KIAA0586: variants seen among roughly 807,000 people sequenced by gnomAD.
The protein encoded by KIAA0586 is protein TALPID3.
A neutral mutation model predicts 169.8 loss-of-function variants in KIAA0586; 144 were observed. That is an observed-to-expected ratio of 0.85 (90% CI 0.74 to 0.97). The LOEUF (loss-of-function observed/expected upper bound fraction) is 0.97, where lower values mean the gene tolerates loss of function less well. Among genes scored for constraint, KIAA0586 ranks in the 50% least tolerant of loss-of-function variants. The pLI, the probability that KIAA0586 is intolerant of heterozygous loss-of-function variation, is 0.00. For missense variants in KIAA0586, 1,854 were observed against 1,823.0 expected, an observed-to-expected ratio of 1.02 and a Z score of -0.31; for synonymous variants, 625 against 612.4, an observed-to-expected ratio of 1.02 and a Z score of -0.30.
chr14:58,430,721 A>G lies in KIAA0586; in HGVS notation c.340+4A>G. On this transcript the variant is annotated splice_donor_region_variant and intron_variant, in intron 3 of 30. Transcript: ENST00000652326. ...GAAGAGAACAACAAGCAAAAAGGTA[A>G]AAGAATAATATTGATTTTTTTAAAT... 6.5e-7 allele frequency: 1 copy of G among 1,536,812 alleles called. No individual in the cohort carries two copies. Among genetic ancestry groups the G allele is most frequent in the Non-Finnish European group, 9.0e-7 (1 of 1,115,440 alleles).
Position 58,428,401 on chromosome 14 carries a change from C to T in KIAA0586, c.137C>T (p.Ala46Val), listed in dbSNP as rs774053661. Residue 46 changes from alanine (A) to valine (V), a missense_variant, in exon 1 of 31, where the codon GCA (alanine) becomes GTA (valine). Coordinates refer to ENST00000652326, the MANE Select transcript of KIAA0586 (RefSeq NM_001329943.3). ...GATGAGTTGCCCTGTGTTCCTCCGGCATTGTCTGCAAATAAACGTCTTCCT... is the reference window on the plus strand; with the variant it reads ...GATGAGTTGCCCTGTGTTCCTCCGGTATTGTCTGCAAATAAACGTCTTCCT... ...LKDELPCVPP[A>V]LSANKRLPVG... The T allele has an allele frequency of 1.9e-6, 3 of 1,613,960 alleles. No homozygotes were observed. The highest frequency in any genetic ancestry group is 8.5e-7 in the Non-Finnish European group (1 of 1,179,886).
At chr14:58,474,318 A>G (rs1191637596) in intron 18 of KIAA0586, among the ~76,000 whole-genome samples, 1 of 152,206 alleles carries the variant, frequency 6.6e-6, no homozygotes, top group Non-Finnish European at 1.5e-5. Flanking sequence ...TCTAGAGAGA[A>G]ATAATAGTGT....
At chr14:58,556,737 T>TTTTG in the KIAA0586 span, among the ~76,000 whole-genome samples, 346 of 152,210 alleles carry the variant, frequency 2.3e-3, 1 homozygote, top group African/African-American at 7.7e-3. Context: ...TTTTTGTAGT[T>TTTTG]TTTGTTTGTT....
In KIAA0586 at chr14:58,484,272, T is replaced by C. The variant is rs542927520; in HGVS notation, c.3144+1560T>C. On this transcript the variant is annotated intron_variant, in intron 21 of 30. Transcript: ENST00000652326. ...AGCACTACTCGCAGCCTGCAACTTA[T>C]CATTCTTTATCTTCAGAAGTGTCAT... is the stretch of plus-strand genomic sequence containing the variant. Among the ~76,000 whole-genome samples, 13 of 152,304 alleles carry C rather than the reference T, an allele frequency of 8.5e-5. No individual in the cohort carries two copies. The South Asian group carries it at 2.7e-3, about 32-fold the overall frequency.
chr14:58,427,557 G>A (rs1412762212), upstream of KIAA0586: 12 of 1,527,408 alleles, frequency 7.9e-6, no homozygotes, highest in East Asian at 2.4e-5. Flanking sequence ...ATAAACCCCT[G>A]TTATGTCCGG....
At chr14:58,505,298 A>G (rs180964431) in intron 27 of KIAA0586, among the ~76,000 whole-genome samples, 7 of 152,286 alleles carry the variant, frequency 4.6e-5, no homozygotes, top group African/African-American at 1.7e-4. Context: ...AAATTTATTC[A>G]TTTTAATGAT....
intron 26 of KIAA0586, among the ~76,000 whole-genome samples, chr14:58,496,418 T>C (rs890632511): frequency 3.3e-5 from 5 of 152,242 alleles, no homozygotes; most frequent in African/African-American, 9.6e-5. Flanking sequence ...TACTGTAGAC[T>C]GTCAGAGTAA....
chr14:58,555,099 C>CTTTTTTTTTTTT (rs35845234), downstream of KIAA0586, among the ~76,000 whole-genome samples: 1 of 102,560 alleles, frequency 9.8e-6, no homozygotes, highest in Non-Finnish European at 1.8e-5. Flanking sequence ...TTCTTTCTTT[C>CTTTTTTTTTTTT]TTTTTTTTTT....
intron 25 of KIAA0586, among the ~76,000 whole-genome samples, chr14:58,490,448 G>A (rs1392244962): frequency 1.3e-5 from 2 of 152,000 alleles, no homozygotes; most frequent in Non-Finnish European, 2.9e-5. Flanking sequence ...TAACCCTCGT[G>A]GCTCTAGTAG....
At chr14:58,488,137 T>A (rs1302956006) in intron 23 of KIAA0586, 28 bp downstream of exon 23, 79 of 1,475,934 alleles carry the variant, frequency 5.4e-5, no homozygotes, top group Non-Finnish European at 7.3e-5. Flanking sequence ...CACTAGTAAC[T>A]GTACATTTCA....
intron 16 of KIAA0586, among the ~76,000 whole-genome samples, chr14:58,468,370 CTG>C (rs2040939197): frequency 6.6e-6 from 1 of 152,128 alleles, no homozygotes; most frequent in Non-Finnish European, 1.5e-5. Flanking sequence ...ATTTTTAAAA[CTG>C]TGATATTAAT....
intron 10 of KIAA0586, among the ~76,000 whole-genome samples, chr14:58,457,279 C>CT (rs1346094284): frequency 2.6e-5 from 4 of 151,638 alleles, no homozygotes; most frequent in Admixed American, 1.3e-4. Context: ...TTTTTCTTTT[C>CT]TTTTTTTGAG....
chr14:58,501,321 C>CT (rs988354424), intron 27 of KIAA0586, among the ~76,000 whole-genome samples: 9 of 152,302 alleles, frequency 5.9e-5, no homozygotes, highest in East Asian at 1.9e-4. Context: ...GTTTTACATT[C>CT]TTTAAAATTT....
the KIAA0586 span, among the ~76,000 whole-genome samples, chr14:58,556,848 C>T: frequency 4.6e-5 from 7 of 152,114 alleles, no homozygotes; most frequent in South Asian, 2.1e-4. Context: ...TGGGTTCAGG[C>T]GATTCTCCTG....
At position 58,481,709 on chromosome 14, in the gene KIAA0586, A is replaced by C. The variant is rs377356179; in HGVS notation, c.2945-804A>C. Among the ~76,000 whole-genome samples, 4 of 152,204 alleles carry C rather than the reference A, an allele frequency of 2.6e-5. 1 individual carries two copies. ...TATTTGTTATGTAAGTTGTCCTCTTAGTCTTTTTCATAATAAGTAGATACA... is the reference window on the plus strand; with the variant it reads ...TATTTGTTATGTAAGTTGTCCTCTTCGTCTTTTTCATAATAAGTAGATACA... On this transcript the variant is annotated intron_variant, in intron 20 of 30. Transcript: ENST00000652326.
intron 26 of KIAA0586, among the ~76,000 whole-genome samples, chr14:58,495,478 T>C (rs184057753): frequency 2.0e-5 from 3 of 152,138 alleles, no homozygotes; most frequent in Non-Finnish European, 1.5e-5. Flanking sequence ...TTTTATTTTT[T>C]GCAGAGACGG....
intron 5 of KIAA0586, among the ~76,000 whole-genome samples, chr14:58,443,207 A>C (rs927294357): frequency 6.6e-6 from 1 of 152,232 alleles, no homozygotes; most frequent in African/African-American, 2.4e-5. Context: ...GAGATAATCT[A>C]TGCCTTAGCT....
intron 4 of KIAA0586, among the ~76,000 whole-genome samples, chr14:58,438,144 A>T (rs527371727): frequency 3.9e-5 from 6 of 152,306 alleles, no homozygotes; most frequent in South Asian, 2.1e-4. Flanking sequence ...AGAATAAAGA[A>T]AAACTGGCTA....
intron 27 of KIAA0586, among the ~76,000 whole-genome samples, chr14:58,508,208 A>G (rs1328477524): frequency 1.3e-5 from 2 of 152,256 alleles, no homozygotes; most frequent in Non-Finnish European, 2.9e-5. Flanking sequence ...ATTACATTTT[A>G]GATAGAAAGT....
Sources: gnomAD v4.1 joint callset for allele counts (sites outside exome capture counted in the v4.1 genomes callset) on GRCh38, gnomAD v4.1.1 for gene constraint, MANE v1.5 for transcripts, NCBI Gene and HGNC (gene_info 2026-07-23, HGNC 2026-07-21) for gene names.